FHIT: variants seen among roughly 807,000 people sequenced by gnomAD.
FHIT encodes the protein fragile histidine triad diadenosine triphosphatase, also known as bis(5'-adenosyl)-triphosphatase.
FHIT carries 19 observed loss-of-function variants against 17.9 expected under a neutral mutation model. The observed-to-expected ratio is 1.06, with a 90% CI of 0.74 to 1.56. The LOEUF (loss-of-function observed/expected upper bound fraction) is 1.56. Ranked by LOEUF, FHIT falls within the 40% of genes most tolerant of loss-of-function variation. The pLI, the probability that FHIT is intolerant of heterozygous loss-of-function variation, is 0.00. For synonymous variants in FHIT, 81 were observed against 69.7 expected, an observed-to-expected ratio of 1.16 and a Z score of -0.81; for missense variants, 248 against 189.2, an observed-to-expected ratio of 1.31 and a Z score of -1.82.
intron 5 of FHIT, among the ~76,000 whole-genome samples, chr3:60,180,756 C>T (rs1484428829): frequency 6.6e-6 from 1 of 151,990 alleles, no homozygotes; most frequent in African/African-American, 2.4e-5. Flanking sequence ...AAATAAAATG[C>T]CATATTTAAA....
In FHIT at chr3:59,810,008, A is replaced by G. The variant is rs191476009; in HGVS notation, c.349-57687T>C. ...GTCAGTTTTGAGAGATTGGAACCTAACCAAAGAAGCTTCAAATCTAGAGGA... is the reference window on the plus strand; with the variant it reads ...GTCAGTTTTGAGAGATTGGAACCTAGCCAAAGAAGCTTCAAATCTAGAGGA... On this transcript the variant is annotated intron_variant, in intron 8 of 9. Coordinates refer to ENST00000492590, the MANE Select transcript of FHIT (RefSeq NM_002012.4). 8.5e-5 allele frequency among the ~76,000 whole-genome samples: 13 copies of G among 152,214 alleles called. No homozygotes were observed. In the East Asian group the frequency reaches 1.4e-3, roughly 16 times the overall value.
chr3:60,071,088 G>A lies in FHIT; in HGVS notation c.104-56936C>T, dbSNP rs563930503. Among the ~76,000 whole-genome samples the A allele has an allele frequency of 5.3e-5, 8 of 152,222 alleles. No homozygotes were observed. In the South Asian group the frequency reaches 1.7e-3, roughly 32 times the overall value. ...CCCTCTATATTTCCACCCTCATCTAGCACTGTCTTCCTTGCTTGCCATGCC... is the reference window on the plus strand; with the variant it reads ...CCCTCTATATTTCCACCCTCATCTAACACTGTCTTCCTTGCTTGCCATGCC... On this transcript the variant is annotated intron_variant, in intron 5 of 9. Transcript: ENST00000492590.
chr3:60,436,679 C>T (rs976842420), intron 5 of FHIT, among the ~76,000 whole-genome samples: 23 of 152,040 alleles, frequency 1.5e-4, no homozygotes, highest in African/African-American at 5.6e-4. Flanking sequence ...TGTGGCCATA[C>T]AGACAAAAAA....
intron 5 of FHIT, among the ~76,000 whole-genome samples, chr3:60,534,529 T>G (rs1257361832): frequency 6.8e-6 from 1 of 146,888 alleles, no homozygotes; most frequent in Non-Finnish European, 1.5e-5. Context: ...AGTTACAAAA[T>G]CATCACATAA....
intron 4 of FHIT, among the ~76,000 whole-genome samples, chr3:60,628,796 T>G (rs1201688063): frequency 1.3e-5 from 2 of 152,180 alleles, no homozygotes; most frequent in Admixed American, 6.5e-5. Context: ...ATGAAATCAA[T>G]TCCTATGAGC....
At chr3:61,003,002 T>G (rs554995203) in intron 3 of FHIT, among the ~76,000 whole-genome samples, 1 of 152,340 alleles carries the variant, frequency 6.6e-6, no homozygotes, top group Non-Finnish European at 1.5e-5. Flanking sequence ...TCTGGTGCAA[T>G]TAAGAATGCT....
At chr3:60,229,850 T>C (rs544741839) in intron 5 of FHIT, among the ~76,000 whole-genome samples, 58 of 152,250 alleles carry the variant, frequency 3.8e-4, no homozygotes, top group African/African-American at 1.2e-3. Context: ...GGCATGGTGA[T>C]GCACGCCTAT....
chr3:60,981,135 G>A (rs966774343), intron 3 of FHIT, among the ~76,000 whole-genome samples: 1 of 152,190 alleles, frequency 6.6e-6, no homozygotes, highest in Non-Finnish European at 1.5e-5. Context: ...CTTCTGGCAT[G>A]AAAGCCATGC....
At chr3:59,928,802 C>G (rs1705801801) in intron 7 of FHIT, among the ~76,000 whole-genome samples, 1 of 151,966 alleles carries the variant, frequency 6.6e-6, no homozygotes, top group Admixed American at 6.5e-5. Context: ...CGAGACCAGC[C>G]TGGCCAATAT....
chr3:60,815,200 C>T (rs1318316453), intron 4 of FHIT, among the ~76,000 whole-genome samples: 1 of 152,036 alleles, frequency 6.6e-6, no homozygotes, highest in African/African-American at 2.4e-5. Context: ...GTTGTTTACT[C>T]TGTTGACAGT....
chr3:60,049,353 G>A (rs1380897643), intron 5 of FHIT, among the ~76,000 whole-genome samples: 1 of 151,982 alleles, frequency 6.6e-6, no homozygotes, highest in Non-Finnish European at 1.5e-5. Context: ...TCATGCAAGT[G>A]GAAAACTAAA....
At chr3:60,968,202 T>G (rs920912450) in intron 3 of FHIT, among the ~76,000 whole-genome samples, 2 of 152,186 alleles carry the variant, frequency 1.3e-5, no homozygotes, top group African/African-American at 4.8e-5. Flanking sequence ...GCAAATCACA[T>G]CTTAGCCCAT....
chr3:59,978,158 C>A (rs1254985129), intron 7 of FHIT, among the ~76,000 whole-genome samples: 2 of 152,002 alleles, frequency 1.3e-5, no homozygotes, highest in African/African-American at 2.4e-5. Context: ...GAAACTGAGG[C>A]CTAAAACAGG....
chr3:60,133,396 C>T (rs1171738009), intron 5 of FHIT, among the ~76,000 whole-genome samples: 3 of 152,160 alleles, frequency 2.0e-5, no homozygotes. Flanking sequence ...AAAACTTCTC[C>T]TGCCTGGAGG....
intron 4 of FHIT, among the ~76,000 whole-genome samples, chr3:60,788,063 C>T (rs1700644312): frequency 1.3e-5 from 2 of 152,122 alleles, no homozygotes; most frequent in African/African-American, 4.8e-5. Context: ...AATGAATTAG[C>T]TATATGTTAA....
chr3:60,086,306 T>C (rs536423874), intron 5 of FHIT, among the ~76,000 whole-genome samples: 31 of 152,312 alleles, frequency 2.0e-4, no homozygotes, highest in African/African-American at 6.0e-4. Flanking sequence ...CCTCCCATCA[T>C]TGGGGATCAA....
At chr3:59,948,149 T>G (rs1706918351) in intron 7 of FHIT, among the ~76,000 whole-genome samples, 1 of 152,128 alleles carries the variant, frequency 6.6e-6, no homozygotes, top group African/African-American at 2.4e-5. Context: ...TTTCCCTTTC[T>G]CTGGGATAAA....
intron 2 of FHIT, among the ~76,000 whole-genome samples, chr3:61,176,569 T>A (rs947712033): frequency 6.6e-6 from 1 of 152,224 alleles, no homozygotes; most frequent in African/African-American, 2.4e-5. Flanking sequence ...AAGCTTTTTT[T>A]ATTCTCCCAA....
chr3:60,192,753 T>C (rs1384097010), intron 5 of FHIT, among the ~76,000 whole-genome samples: 1 of 152,174 alleles, frequency 6.6e-6, no homozygotes, highest in African/African-American at 2.4e-5. Flanking sequence ...CCCTCTAAAA[T>C]GATTCCACCA....
Sources: allele counts gnomAD v4.1 joint callset (sites outside exome capture counted in the v4.1 genomes callset), GRCh38; gene constraint gnomAD v4.1.1; transcripts MANE v1.5; gene names NCBI Gene and HGNC (gene_info 2026-07-23, HGNC 2026-07-21).